The following STK32B variants were observed in gnomAD, a reference collection of about 807,000 sequenced individuals.
The protein encoded by STK32B is serine/threonine kinase 32B, also known as serine/threonine-protein kinase 32B.
In STK32B, 43 loss-of-function variants were observed where a neutral mutation model predicts 52.6. The ratio of observed to expected loss-of-function variants is 0.82; its 90% confidence interval spans 0.64 to 1.05. STK32B has a LOEUF of 1.05. STK32B is among the 50% of genes least tolerant of loss of function. The pLI, the probability that STK32B is intolerant of heterozygous loss-of-function variation, is 0.00. For missense variants in STK32B, 621 were observed against 534.6 expected (o/e 1.16, Z -1.59); for synonymous variants, 238 against 204.3 (o/e 1.17, Z -1.41).
chr4:5,371,288 C>A (rs1020219676), intron 4 of STK32B, among the ~76,000 whole-genome samples: 23 of 152,028 alleles, frequency 1.5e-4, no homozygotes, highest in African/African-American at 5.3e-4. Flanking sequence ...AGGATTCCTG[C>A]TAAAGACAGG....
chr4:5,316,422 C>T (rs577514742), intron 3 of STK32B, among the ~76,000 whole-genome samples: 67 of 15,426 alleles, frequency 4.3e-3, no homozygotes, highest in African/African-American at 0.025. Flanking sequence ...ATATATATTA[C>T]ATATATAATA....
chr4:5,229,170 A>G (rs937147183), intron 3 of STK32B, among the ~76,000 whole-genome samples: 4 of 152,142 alleles, frequency 2.6e-5, no homozygotes, highest in African/African-American at 9.7e-5. Flanking sequence ...AATTTGTAAA[A>G]AAAAAATGCA....
At position 5,305,105 on chromosome 4, in the gene STK32B, G is replaced by T. The variant is rs147029368; in HGVS notation, c.261-26115G>T. Among the ~76,000 whole-genome samples, 495 of 152,070 alleles carry T rather than the reference G, an allele frequency of 3.3e-3. 2 individuals carry two copies. Among genetic ancestry groups the T allele is most frequent in the Admixed American group, 0.022 (334 of 15,278 alleles). ...TTCCCTTAGATAATATTTTGTTGAG[G>T]ATTTTTGCAGCTATGTTCATCAGGG... On this transcript the variant is annotated intron_variant, in intron 3 of 11. Transcript: ENST00000282908.
chr4:5,197,951 T>C lies in STK32B; in HGVS notation c.260+29501T>C, dbSNP rs144340348. The stretch of plus-strand genomic sequence containing the variant: ...AAACATGTTTTCTGTTGTTTTTTTT[T>C]CCAGCAAATAATAATGATAATAATG... On this transcript the variant is annotated intron_variant, in intron 3 of 11. Coordinates refer to ENST00000282908, the MANE Select transcript of STK32B (RefSeq NM_018401.3). 9.1e-4 allele frequency among the ~76,000 whole-genome samples: 138 copies of C among 152,310 alleles called. No homozygotes were observed. In the East Asian group the frequency reaches 0.016, roughly 18 times the overall value.
intron 3 of STK32B, among the ~76,000 whole-genome samples, chr4:5,325,007 A>G (rs1464358530): frequency 3.9e-5 from 6 of 152,200 alleles, no homozygotes; most frequent in African/African-American, 1.4e-4. Flanking sequence ...TTCGTGAAGT[A>G]GTCCCTGAAG....
chr4:5,317,805 C>T (rs1168759149), intron 3 of STK32B, among the ~76,000 whole-genome samples: 1 of 151,830 alleles, frequency 6.6e-6, no homozygotes, highest in Non-Finnish European at 1.5e-5. Flanking sequence ...TATTGATGAG[C>T]TGCTGTGTTC....
intron 1 of STK32B, among the ~76,000 whole-genome samples, chr4:5,128,992 G>C (rs1009529461): frequency 6.6e-6 from 1 of 152,202 alleles, no homozygotes; most frequent in Non-Finnish European, 1.5e-5. Flanking sequence ...GAGAGCTGTC[G>C]ATTCCAGCCC....
intron 11 of STK32B, among the ~76,000 whole-genome samples, chr4:5,482,367 C>G (rs570523916): frequency 4.9e-4 from 74 of 152,236 alleles, no homozygotes; most frequent in African/African-American, 1.7e-3. Flanking sequence ...GGAGTTCACT[C>G]ATGATTTGGC....
chr4:5,487,195 A>T (rs1719297632), intron 11 of STK32B, among the ~76,000 whole-genome samples: 1 of 152,170 alleles, frequency 6.6e-6, no homozygotes, highest in Non-Finnish European at 1.5e-5. Flanking sequence ...GGTCTTTGTC[A>T]GGGACCCAAA....
At chr4:5,255,601 C>T (rs1193756912) in intron 3 of STK32B, among the ~76,000 whole-genome samples, 2 of 152,112 alleles carry the variant, frequency 1.3e-5, no homozygotes, top group African/African-American at 2.4e-5. Flanking sequence ...CAAGAGGCTA[C>T]TACTGCTATT....
chr4:5,191,901 G>T (rs1472674524), intron 3 of STK32B, among the ~76,000 whole-genome samples: 1 of 152,212 alleles, frequency 6.6e-6, no homozygotes, highest in Admixed American at 6.5e-5. Flanking sequence ...CCAGGTCCAT[G>T]ACCGGCACGG....
At chr4:5,295,330 A>G (rs897717426) in intron 3 of STK32B, among the ~76,000 whole-genome samples, 1 of 152,174 alleles carries the variant, frequency 6.6e-6, no homozygotes, top group African/African-American at 2.4e-5. Flanking sequence ...ATTGTTTGGC[A>G]TAGTTTCAGA....
intron 3 of STK32B, among the ~76,000 whole-genome samples, chr4:5,179,090 TGCA>T (rs1429035440): frequency 2.6e-5 from 4 of 152,272 alleles, no homozygotes; most frequent in African/African-American, 9.6e-5. Flanking sequence ...CTCTCAGTTC[TGCA>T]TTGCTGGGGA....
the STK32B span, among the ~76,000 whole-genome samples, chr4:5,045,410 G>A: frequency 1.3e-5 from 2 of 152,168 alleles, no homozygotes; most frequent in Non-Finnish European, 2.9e-5. Flanking sequence ...AGTTCCTTCT[G>A]GTGTCAGCTC....
chr4:5,401,617 G>C (rs984361306), intron 5 of STK32B, among the ~76,000 whole-genome samples: 5 of 152,134 alleles, frequency 3.3e-5, no homozygotes, highest in African/African-American at 1.2e-4. Flanking sequence ...GAGATACCAC[G>C]CATTGAGGTA....
chr4:5,102,883 T>TTTCC (rs1192628392), intron 1 of STK32B, among the ~76,000 whole-genome samples: 2 of 30,166 alleles, frequency 6.6e-5, no homozygotes, highest in Admixed American at 9.5e-4. Flanking sequence ...CCCTCCCTTC[T>TTTCC]TTCCTTCCTT....
intron 1 of STK32B, among the ~76,000 whole-genome samples, chr4:5,101,123 G>T (rs1713763042): frequency 6.6e-6 from 1 of 152,138 alleles, no homozygotes; most frequent in African/African-American, 2.4e-5. Context: ...TGCCCAAGCT[G>T]CTCTCAAACT....
the STK32B span, among the ~76,000 whole-genome samples, chr4:5,030,234 C>G: frequency 1.3e-5 from 2 of 152,170 alleles, no homozygotes; most frequent in East Asian, 3.8e-4. Flanking sequence ...AGGTTATTCA[C>G]TGAGGTTGAT....
chr4:5,204,898 G>A (rs1447984595), intron 3 of STK32B, among the ~76,000 whole-genome samples: 1 of 152,148 alleles, frequency 6.6e-6, no homozygotes, highest in Non-Finnish European at 1.5e-5. Context: ...CTATCAACTT[G>A]ACTGGTCTAC....
Sources: gnomAD v4.1 joint callset for allele counts (sites outside exome capture counted in the v4.1 genomes callset) on GRCh38, gnomAD v4.1.1 for gene constraint, MANE v1.5 for transcripts, NCBI Gene and HGNC (gene_info 2026-07-23, HGNC 2026-07-21) for gene names.